ENTREP2: variants seen among roughly 807,000 people sequenced by gnomAD.
ENTREP2 encodes endosomal transmembrane epsin interactor 2.
chr15:29,584,443 A>G, the ENTREP2 span, among the ~76,000 whole-genome samples: 20 of 138,738 alleles, frequency 1.4e-4, no homozygotes, highest in African/African-American at 2.1e-4. Flanking sequence ...GTGTGTGTGC[A>G]TGTGTGTGTG....
the ENTREP2 span, among the ~76,000 whole-genome samples, chr15:29,290,198 G>A: frequency 6.6e-6 from 1 of 152,138 alleles, no homozygotes; most frequent in Non-Finnish European, 1.5e-5. Context: ...AGCCCCTGTT[G>A]TCTAGCCTCA....
At chr15:29,444,930 A>G in the ENTREP2 span, among the ~76,000 whole-genome samples, 1 of 152,192 alleles carries the variant, frequency 6.6e-6, no homozygotes, top group Non-Finnish European at 1.5e-5. Flanking sequence ...GCAGGTACCA[A>G]TAAGGTTTAA....
chr15:29,422,270 CA>C, the ENTREP2 span, among the ~76,000 whole-genome samples: 3 of 143,720 alleles, frequency 2.1e-5, no homozygotes, highest in East Asian at 2.0e-4. Flanking sequence ...AACTCCGTGT[CA>C]AAAAAAAAGA....
At chr15:29,578,707 A>G in the ENTREP2 span, among the ~76,000 whole-genome samples, 3 of 152,222 alleles carry the variant, frequency 2.0e-5, no homozygotes, top group African/African-American at 7.2e-5. Context: ...TTCCTTACGG[A>G]CAGGAATCAT....
chr15:29,630,832 T>C, the ENTREP2 span, among the ~76,000 whole-genome samples: 3 of 152,114 alleles, frequency 2.0e-5, no homozygotes, highest in African/African-American at 7.2e-5. Context: ...GGATTACAGG[T>C]GCTCACCACC....
At chr15:29,343,027 T>TGGGCGG in the ENTREP2 span, among the ~76,000 whole-genome samples, 4 of 130,990 alleles carry the variant, frequency 3.1e-5, no homozygotes, top group East Asian at 1.0e-3. Context: ...TAAAAAGGAA[T>TGGGCGG]GGGGGGGGTG....
the ENTREP2 span, among the ~76,000 whole-genome samples, chr15:29,327,593 T>C: frequency 2.1e-5 from 2 of 96,158 alleles, no homozygotes; most frequent in Admixed American, 1.1e-4. Context: ...AGACCCCATC[T>C]CAAAAAAAAA....
the ENTREP2 span, among the ~76,000 whole-genome samples, chr15:29,479,228 G>C: frequency 7.4e-6 from 1 of 135,532 alleles, no homozygotes; most frequent in African/African-American, 2.7e-5. Context: ...AAAAAAAAAA[G>C]TGTGTGGCAC....
chr15:29,420,326 G>A, the ENTREP2 span, among the ~76,000 whole-genome samples: 5 of 152,178 alleles, frequency 3.3e-5, no homozygotes, highest in African/African-American at 1.2e-4. Context: ...CAAGCAAGGG[G>A]TCTATCCAGA....
At chr15:29,364,312 G>C in the ENTREP2 span, among the ~76,000 whole-genome samples, 1 of 152,088 alleles carries the variant, frequency 6.6e-6, no homozygotes, top group Admixed American at 6.5e-5. Context: ...CTGGAAACCT[G>C]CCCACCACTT....
At chr15:29,259,904 A>G in the ENTREP2 span, among the ~76,000 whole-genome samples, 13 of 152,190 alleles carry the variant, frequency 8.5e-5, no homozygotes, top group Non-Finnish European at 4.4e-5. Flanking sequence ...AGTTGAGTTC[A>G]GTTAACACCG....
chr15:29,570,498 C>A, the ENTREP2 span: 6 of 1,337,682 alleles, frequency 4.5e-6, no homozygotes, highest in Non-Finnish European at 5.8e-6. Context: ...TGGTCGCGGA[C>A]ACTCACCGAG....
At chr15:29,478,014 TA>T in the ENTREP2 span, among the ~76,000 whole-genome samples, 4,711 of 63,934 alleles carry the variant, frequency 0.074, 216 homozygotes, top group African/African-American at 0.099. Context: ...TATATATATA[TA>T]TATATTTTTT....
At chr15:29,549,653 A>G in the ENTREP2 span, among the ~76,000 whole-genome samples, 1 of 152,216 alleles carries the variant, frequency 6.6e-6, no homozygotes, top group Non-Finnish European at 1.5e-5. Context: ...CAGGAGCTCA[A>G]TATCACCTAG....
the ENTREP2 span, chr15:29,452,820 G>A: frequency 6.6e-6 from 1 of 151,782 alleles, no homozygotes; most frequent in Non-Finnish European, 1.5e-5. Flanking sequence ...AGCAGAGGGT[G>A]GGGGGTTGGG....
the ENTREP2 span, among the ~76,000 whole-genome samples, chr15:29,393,643 C>T: frequency 2.0e-5 from 3 of 152,164 alleles, no homozygotes; most frequent in African/African-American, 7.2e-5. Flanking sequence ...AGTGCCTACT[C>T]AGCCAAAATG....
chr15:29,594,103 T>TA, the ENTREP2 span, among the ~76,000 whole-genome samples: 4 of 151,598 alleles, frequency 2.6e-5, no homozygotes, highest in Admixed American at 1.3e-4. Flanking sequence ...CAAAAAGGTT[T>TA]AAAAAAAAAG....
chr15:29,554,902 C>T, the ENTREP2 span, among the ~76,000 whole-genome samples: 172 of 152,276 alleles, frequency 1.1e-3, no homozygotes, highest in African/African-American at 4.0e-3. Flanking sequence ...CACACGTTAG[C>T]AATACTTCCA....
At chr15:29,247,102 A>G in the ENTREP2 span, among the ~76,000 whole-genome samples, 5 of 152,124 alleles carry the variant, frequency 3.3e-5, no homozygotes, top group African/African-American at 1.2e-4. Flanking sequence ...TGCAGAGAAC[A>G]CTAGCTAGTC....
Sources: gnomAD v4.1 joint callset for allele counts (sites outside exome capture counted in the v4.1 genomes callset) on GRCh38, gnomAD v4.1.1 for gene constraint, MANE v1.5 for transcripts, NCBI Gene and HGNC (gene_info 2026-07-23, HGNC 2026-07-21) for gene names.